BICC1: variants seen among roughly 807,000 people sequenced by gnomAD.
BICC1 encodes BicC family RNA binding protein 1, also known as protein bicaudal C homolog 1.
In BICC1, 43 loss-of-function variants were observed where a neutral mutation model predicts 111.0. That is an observed-to-expected ratio of 0.39 (90% confidence interval 0.30 to 0.50). The LOEUF is 0.50. Among genes scored for constraint, BICC1 ranks in the 20% least tolerant of loss-of-function variants. The pLI is 0.88. For synonymous variants in BICC1, 467 were observed against 434.4 expected (o/e 1.07, Z -0.93); for missense variants, 1,091 against 1,203.2 (o/e 0.91, Z 1.38).
At chr10:58,772,849 TGTTTTTTGAGATG>T (rs1227579738) in intron 3 of BICC1, among the ~76,000 whole-genome samples, 1 of 152,190 alleles carries the variant, frequency 6.6e-6, no homozygotes, top group African/African-American at 2.4e-5. Flanking sequence ...TTTAAAGCAA[TGTTTTTTGAGATG>T]GAACATACAA....
intron 3 of BICC1, among the ~76,000 whole-genome samples, chr10:58,734,493 C>T (rs1485465544): frequency 2.0e-5 from 3 of 152,068 alleles, no homozygotes; most frequent in South Asian, 2.1e-4. Context: ...GTATGTGAAC[C>T]GAGTGAAGAG....
intron 2 of BICC1, among the ~76,000 whole-genome samples, chr10:58,678,816 TGGAAATCA>T (rs1839425765): frequency 1.3e-5 from 2 of 152,020 alleles, no homozygotes; most frequent in Non-Finnish European, 2.9e-5. Flanking sequence ...TGTAAAAGAA[TGGAAATCA>T]TAACAATCAG....
chr10:58,656,158 G>C (rs1838640210), intron 2 of BICC1, among the ~76,000 whole-genome samples: 1 of 152,004 alleles, frequency 6.6e-6, no homozygotes, highest in Non-Finnish European at 1.5e-5. Context: ...GGAAGAAGTT[G>C]AATCTCTGAA....
chr10:58,665,697 CTT>C (rs1838986856), intron 2 of BICC1, among the ~76,000 whole-genome samples: 1 of 152,120 alleles, frequency 6.6e-6, no homozygotes, highest in Non-Finnish European at 1.5e-5. Flanking sequence ...TCTTCTGAGA[CTT>C]TATGTGTTTT....
chr10:58,596,139 A>C (rs775389420), intron 1 of BICC1, among the ~76,000 whole-genome samples: 11 of 152,152 alleles, frequency 7.2e-5, no homozygotes, highest in Non-Finnish European at 1.3e-4. Context: ...GGACACATAC[A>C]CCCTCCCAAG....
chr10:58,732,736 T>C (rs917251663), intron 3 of BICC1, among the ~76,000 whole-genome samples: 14 of 151,982 alleles, frequency 9.2e-5, no homozygotes, highest in African/African-American at 3.4e-4. Context: ...AGCTGTATTT[T>C]GCACCACTGC....
chr10:58,666,030 T>A (rs1838999359), intron 2 of BICC1, among the ~76,000 whole-genome samples: 1 of 152,178 alleles, frequency 6.6e-6, no homozygotes, highest in African/African-American at 2.4e-5. Context: ...ATTATATTGG[T>A]AAAATAAAAA....
intron 18 of BICC1, chr10:58,814,382 C>T: frequency 2.1e-6 from 1 of 483,878 alleles, no homozygotes; most frequent in Non-Finnish European, 3.7e-6. Flanking sequence ...AGTGAACTGT[C>T]TGACACCTAG....
chr10:58,616,260 G>C (rs770008803), intron 1 of BICC1, among the ~76,000 whole-genome samples: 6 of 152,220 alleles, frequency 3.9e-5, no homozygotes, highest in Non-Finnish European at 8.8e-5. Context: ...CTGCCTGCAG[G>C]GGTCCCCCCA....
intron 1 of BICC1, among the ~76,000 whole-genome samples, chr10:58,566,350 A>G (rs907521697): frequency 1.3e-5 from 2 of 152,054 alleles, no homozygotes; most frequent in African/African-American, 4.8e-5. Context: ...ACATACACAT[A>G]TATATATACA....
chr10:58,736,978 A>C (rs1841487599), intron 3 of BICC1, among the ~76,000 whole-genome samples: 1 of 152,120 alleles, frequency 6.6e-6, no homozygotes, highest in South Asian at 2.1e-4. Flanking sequence ...TTTTATTTTC[A>C]CAAAAGTATG....
In BICC1 at chr10:58,805,532, T is replaced by C. The variant is rs189807956; in HGVS notation, c.2182-1052T>C. Among the ~76,000 whole-genome samples, 22 of 152,360 alleles carry C rather than the reference T, an allele frequency of 1.4e-4. No homozygotes were observed. The East Asian group carries it at 3.1e-3, about 21-fold the overall frequency. ...TTAGTCCTAGGATTTAAAAACTTCA[T>C]CAAAAATATTATCTAAAAATCTGGC... is the stretch of plus-strand genomic sequence containing the variant. On this transcript the variant is annotated intron_variant, in intron 15 of 20. Coordinates refer to ENST00000373886, the MANE Select transcript of BICC1 (RefSeq NM_001080512.3).
intron 1 of BICC1, among the ~76,000 whole-genome samples, chr10:58,548,484 A>G (rs1163298591): frequency 1.3e-5 from 2 of 151,236 alleles, no homozygotes; most frequent in Non-Finnish European, 3.0e-5. Context: ...GGATTCTCCA[A>G]CCTCCCAAAT....
At chr10:58,520,035 A>G (rs960311656) in intron 1 of BICC1, among the ~76,000 whole-genome samples, 1 of 152,172 alleles carries the variant, frequency 6.6e-6, no homozygotes, top group Non-Finnish European at 1.5e-5. Context: ...ACTTAGGTAT[A>G]ATCTGGCCAA....
At chr10:58,567,175 C>T (rs1401833276) in intron 1 of BICC1, among the ~76,000 whole-genome samples, 1 of 152,100 alleles carries the variant, frequency 6.6e-6, no homozygotes, top group Non-Finnish European at 1.5e-5. Context: ...TTTAAAATGT[C>T]ACAGAAAGCT....
At chr10:58,554,201 G>C (rs1442738783) in intron 1 of BICC1, among the ~76,000 whole-genome samples, 2 of 152,120 alleles carry the variant, frequency 1.3e-5, no homozygotes, top group Non-Finnish European at 2.9e-5. Context: ...GAGTTAGGAA[G>C]ATCTGTGGTG....
chr10:58,524,431 G>C (rs1434327101), intron 1 of BICC1, among the ~76,000 whole-genome samples: 2 of 151,734 alleles, frequency 1.3e-5, no homozygotes, highest in African/African-American at 2.4e-5. Flanking sequence ...ACAAACCTGA[G>C]AAAAACAAGC....
intron 3 of BICC1, among the ~76,000 whole-genome samples, chr10:58,708,203 G>A (rs1190007448): frequency 1.3e-5 from 2 of 149,296 alleles, no homozygotes; most frequent in Non-Finnish European, 3.0e-5. Context: ...TGTTGGCCAG[G>A]CTGGTCTTGA....
intron 3 of BICC1, among the ~76,000 whole-genome samples, chr10:58,742,026 G>A (rs1433154677): frequency 2.0e-5 from 3 of 152,142 alleles, no homozygotes; most frequent in East Asian, 1.9e-4. Flanking sequence ...AAAATGAAAG[G>A]TATACTTTTG....
Sources: gnomAD v4.1 joint callset for allele counts (sites outside exome capture counted in the v4.1 genomes callset) on GRCh38, gnomAD v4.1.1 for gene constraint, MANE v1.5 for transcripts, NCBI Gene and HGNC (gene_info 2026-07-23, HGNC 2026-07-21) for gene names.